Variants in PPP1R9A observed in about 807,000 individuals in gnomAD.
PPP1R9A encodes neurabin-1.
A neutral mutation model predicts 141.9 loss-of-function variants in PPP1R9A; 59 were observed. The ratio of observed to expected loss-of-function variants is 0.42; its 90% CI spans 0.34 to 0.52. The LOEUF (loss-of-function observed/expected upper bound fraction) is 0.52. Ranked by LOEUF, PPP1R9A falls within the 20% of genes least tolerant of loss-of-function variation. The pLI, the probability that PPP1R9A is intolerant of heterozygous loss-of-function variation, is 0.10. For synonymous variants in PPP1R9A, 500 were observed against 569.7 expected (o/e 0.88, Z 1.74); for missense variants, 1,444 against 1,611.9 (o/e 0.90, Z 1.78).
At position 95,288,602 on chromosome 7, in the gene PPP1R9A, G is replaced by A. The variant is rs1319273757; in HGVS notation, c.3796G>A (p.Val1266Met). 1 of 1,614,094 alleles carries A rather than the reference G, an allele frequency of 6.2e-7. No individual in the cohort carries two copies. The highest frequency in any genetic ancestry group is 1.7e-5 in the Admixed American group (1 of 59,996). The change falls in exon 19 of 20, where the codon GTG becomes ATG. Residue 1266 changes from valine (V) to methionine (M), a missense_variant. Around this residue, in one of 5 missense-constraint regions of PPP1R9A, gnomAD observed 459 missense variants for 513.8 expected, o/e 0.89. Coordinates refer to ENST00000433360, the MANE Select transcript of PPP1R9A (RefSeq NM_001166160.2). Reference protein sequence around the residue: ...CQNRAVQEWSVQQVSHWLMSL... With the variant: ...CQNRAVQEWSMQQVSHWLMSL... ...GAATCGGGCCGTTCAGGAATGGAGT[G>A]TGCAGCAGGTTTCTCACTGGTTAAT...
intron 2 of PPP1R9A, among the ~76,000 whole-genome samples, chr7:94,963,049 A>C (rs1285095883): frequency 6.6e-6 from 1 of 152,186 alleles, no homozygotes; most frequent in African/African-American, 2.4e-5. Context: ...ATACAGCAAA[A>C]AAATCTAGTT....
At chr7:95,223,975 A>G (rs1353717498) in intron 7 of PPP1R9A, among the ~76,000 whole-genome samples, 1 of 152,032 alleles carries the variant, frequency 6.6e-6, no homozygotes, top group African/African-American at 2.4e-5. Context: ...GGGTATGAAC[A>G]GGAGATGAAT....
intron 2 of PPP1R9A, among the ~76,000 whole-genome samples, chr7:94,923,157 C>T (rs1222561178): frequency 3.3e-5 from 5 of 152,104 alleles, no homozygotes; most frequent in African/African-American, 9.7e-5. Context: ...GGGAAGGAGA[C>T]CCTCCAATTC....
chr7:95,115,868 G>C (rs911277867), intron 3 of PPP1R9A, among the ~76,000 whole-genome samples: 1 of 144,506 alleles, frequency 6.9e-6, no homozygotes, highest in African/African-American at 2.6e-5. Flanking sequence ...AGTGAGCCGA[G>C]ACCACACCAC....
chr7:95,142,151 T>C (rs2152570959), intron 4 of PPP1R9A, among the ~76,000 whole-genome samples: 1 of 152,260 alleles, frequency 6.6e-6, no homozygotes, highest in East Asian at 1.9e-4. Context: ...TGGCCATTTT[T>C]ATATCTACTT....
chr7:95,259,905 T>A (rs1026164872), intron 12 of PPP1R9A, among the ~76,000 whole-genome samples: 31 of 152,154 alleles, frequency 2.0e-4, no homozygotes, highest in Non-Finnish European at 2.8e-4. Context: ...TTTTTAAAAA[T>A]ATATATATAT....
chr7:95,079,189 T>C (rs1214444711), intron 2 of PPP1R9A, among the ~76,000 whole-genome samples: 2 of 152,230 alleles, frequency 1.3e-5, no homozygotes, highest in Non-Finnish European at 2.9e-5. Context: ...CAGTTTCAGC[T>C]TTCTACATAT....
At chr7:95,005,101 A>G (rs1803418884) in intron 2 of PPP1R9A, among the ~76,000 whole-genome samples, 1 of 152,148 alleles carries the variant, frequency 6.6e-6, no homozygotes. Flanking sequence ...TAGACTATGC[A>G]CCACGTGGGC....
chr7:95,273,997 C>T lies in PPP1R9A; in HGVS notation c.3212+11C>T. Reference sequence around the variant, plus strand: ...GTTTGTGGATCTGGGGTAAGCACTTCACGATGTAAAAAGAAAGCCCTCTGT... The same window carrying T: ...GTTTGTGGATCTGGGGTAAGCACTTTACGATGTAAAAAGAAAGCCCTCTGT... On this transcript the variant is annotated intron_variant, in intron 15 of 19. Transcript: ENST00000433360. The T allele has an allele frequency of 6.7e-7, 1 of 1,502,246 alleles. No homozygotes were observed. The highest frequency in any genetic ancestry group is 1.1e-5 in the South Asian group (1 of 87,530). The allele number at this position is 1,502,246 out of a possible 1,614,324, so 93.1% of individuals were successfully genotyped here.
At chr7:95,073,631 T>G (rs1196164493) in intron 2 of PPP1R9A, among the ~76,000 whole-genome samples, 1 of 143,574 alleles carries the variant, frequency 7.0e-6, no homozygotes, top group South Asian at 2.2e-4. Flanking sequence ...TAAGTTTTTT[T>G]TTTTTTTTTT....
chr7:95,265,001 A>G (rs533252274), intron 12 of PPP1R9A, among the ~76,000 whole-genome samples: 3 of 152,314 alleles, frequency 2.0e-5, no homozygotes, highest in Admixed American at 2.0e-4. Flanking sequence ...CTAGCAGCAC[A>G]TAACTTAGAA....
chr7:95,096,290 G>A (rs909792477), intron 2 of PPP1R9A, among the ~76,000 whole-genome samples: 1 of 152,178 alleles, frequency 6.6e-6, no homozygotes, highest in Non-Finnish European at 1.5e-5. Flanking sequence ...GTGCCTGACT[G>A]ACTCTGCAGG....
chr7:94,963,292 A>T (rs918582370), intron 2 of PPP1R9A, among the ~76,000 whole-genome samples: 3 of 152,252 alleles, frequency 2.0e-5, no homozygotes, highest in South Asian at 4.1e-4. Flanking sequence ...TTTCTTAATG[A>T]GACTTTCTAA....
chr7:95,073,393 T>C (rs1209902090), intron 2 of PPP1R9A, among the ~76,000 whole-genome samples: 1 of 152,172 alleles, frequency 6.6e-6, no homozygotes, highest in African/African-American at 2.4e-5. Flanking sequence ...ACTTTGGATT[T>C]GACTCTGGTA....
At chr7:94,948,286 T>C (rs1285343178) in intron 2 of PPP1R9A, among the ~76,000 whole-genome samples, 3 of 152,140 alleles carry the variant, frequency 2.0e-5, no homozygotes, top group African/African-American at 7.2e-5. Context: ...ACAGGCCAAA[T>C]GTGCACATTA....
At chr7:95,152,465 GCTTCCGTTTTGTCCCATATGTTATAA>G in intron 4 of PPP1R9A, among the ~76,000 whole-genome samples, 1 of 152,054 alleles carries the variant, frequency 6.6e-6, no homozygotes, top group Non-Finnish European at 1.5e-5. Flanking sequence ...CCCATTTACA[GCTTCCGTTTTGTCCCATATGTTATAA>G]ATCAAGGCAA....
At chr7:95,260,909 T>TA (rs1272043292) in intron 12 of PPP1R9A, among the ~76,000 whole-genome samples, 2 of 152,326 alleles carry the variant, frequency 1.3e-5, no homozygotes, top group East Asian at 3.9e-4. Flanking sequence ...AAGACTACTG[T>TA]ATTCCAAATT....
intron 12 of PPP1R9A, among the ~76,000 whole-genome samples, chr7:95,261,183 A>G (rs1234604629): frequency 2.0e-5 from 3 of 152,204 alleles, no homozygotes. Context: ...CACGTAAGAT[A>G]TCTAATAGCC....
rs577487841 is a variant in PPP1R9A, at chr7:95,157,468, C to A, written c.1650-4399C>A. Reference sequence around the variant, plus strand: ...CCCAGGTCTGCAGCTGCAATTTGGGCAGCTGCAGCTGCACCCGGGGAGTTC... The same window carrying A: ...CCCAGGTCTGCAGCTGCAATTTGGGAAGCTGCAGCTGCACCCGGGGAGTTC... On this transcript the variant is annotated intron_variant, in intron 4 of 19. Transcript: ENST00000433360. Among the ~76,000 whole-genome samples the A allele has an allele frequency of 1.8e-3, 277 of 152,270 alleles. 1 individual carries two copies. Among genetic ancestry groups the A allele is most frequent in the Non-Finnish European group, 3.7e-3 (251 of 68,026 alleles).
Sources: allele counts gnomAD v4.1 joint callset (sites outside exome capture counted in the v4.1 genomes callset), GRCh38; gene constraint gnomAD v4.1.1; regional missense constraint gnomAD v4.1.1; transcripts MANE v1.5; gene names NCBI Gene and HGNC (gene_info 2026-07-23, HGNC 2026-07-21).